MMUT: variants seen among roughly 807,000 people sequenced by gnomAD.
MMUT encodes the protein methylmalonyl-CoA mutase, also known as methylmalonyl-CoA mutase, mitochondrial.
MMUT carries 79 observed loss-of-function variants against 79.9 expected under a neutral mutation model. The observed-to-expected ratio is 0.99, with a 90% CI of 0.82 to 1.19. MMUT has a LOEUF of 1.19. MMUT is among the 50% of genes most tolerant of loss of function. The pLI is 0.00. For missense variants in MMUT, 860 were observed against 917.2 expected, an observed-to-expected ratio of 0.94 and a Z score of 0.81; for synonymous variants, 273 against 295.7, an observed-to-expected ratio of 0.92 and a Z score of 0.79.
At chr6:49,445,789 T>C (rs1767397248) in intron 8 of MMUT, among the ~76,000 whole-genome samples, 1 of 152,020 alleles carries the variant, frequency 6.6e-6, no homozygotes, top group Non-Finnish European at 1.5e-5. Flanking sequence ...TCTATAGATG[T>C]GGAACCCACA....
chr6:49,443,832 G>A (rs895909753), intron 9 of MMUT: 9 of 428,518 alleles, frequency 2.1e-5, no homozygotes, highest in Admixed American at 1.8e-4. Context: ...TATAACATGA[G>A]ATTAGATTCT....
At chr6:49,434,039 T>C (rs1581817137) in intron 12 of MMUT, among the ~76,000 whole-genome samples, 1 of 152,288 alleles carries the variant, frequency 6.6e-6, no homozygotes. Context: ...AGCTCACTTA[T>C]ATAACAGGCA....
chr6:49,451,155 G>A (rs1244531569), intron 6 of MMUT, among the ~76,000 whole-genome samples: 2 of 152,046 alleles, frequency 1.3e-5, no homozygotes, highest in South Asian at 2.1e-4. Context: ...TCTTACTCCA[G>A]GAAGCAGGAA....
chr6:49,454,100 C>G (rs559814552), intron 4 of MMUT, among the ~76,000 whole-genome samples: 109 of 152,052 alleles, frequency 7.2e-4, no homozygotes, highest in Non-Finnish European at 1.4e-3. Flanking sequence ...CAGGAGTCAC[C>G]TATGAATGAA....
intron 8 of MMUT, among the ~76,000 whole-genome samples, chr6:49,445,915 T>G (rs1202749965): frequency 6.6e-6 from 1 of 151,854 alleles, no homozygotes; most frequent in Non-Finnish European, 1.5e-5. Context: ...CACATACAAT[T>G]TAAGAGAAAA....
chr6:49,454,253 G>A (rs1767632116), intron 4 of MMUT, among the ~76,000 whole-genome samples: 1 of 152,112 alleles, frequency 6.6e-6, no homozygotes, highest in South Asian at 2.1e-4. Flanking sequence ...TAAACATTTA[G>A]GTTACTTGCC....
At position 49,431,859 on chromosome 6, in the gene MMUT, G is replaced by T; in HGVS notation, c.2125-3C>A. The T allele has an allele frequency of 6.2e-7, 1 of 1,612,926 alleles. No homozygotes were observed. Among genetic ancestry groups the T allele is most frequent in the African/African-American group, 1.3e-5 (1 of 75,008 alleles). On this transcript the variant is annotated splice_polypyrimidine_tract_variant and splice_region_variant and intron_variant, in intron 12 of 12. Coordinates refer to ENST00000274813, the MANE Select transcript of MMUT (RefSeq NM_000255.4). ...ACTTCAAACAGAAATTCATAATCCT[G>T]TTGAAAGAATGTGTTTAATTAATAA...
chr6:49,436,154 G>A (rs1767119793), intron 11 of MMUT, among the ~76,000 whole-genome samples: 1 of 152,138 alleles, frequency 6.6e-6, no homozygotes, highest in South Asian at 2.1e-4. Context: ...TGGAGAAAAT[G>A]GAACGTTTAT....
At position 49,435,574 on chromosome 6, in the gene MMUT, A is replaced by C. The variant is rs1360470463; in HGVS notation, c.2006T>G (p.Val669Gly). 5.0e-6 allele frequency: 8 copies of C among 1,614,086 alleles called. No individual in the cohort carries two copies. The highest frequency in any genetic ancestry group is 6.8e-6 in the Non-Finnish European group (8 of 1,179,990). The change falls in exon 12 of 13, where the codon GTG becomes GGG. Residue 669 changes from valine to glycine, a missense_variant. Transcript: ENST00000274813. ...QQAVDADVHAVGISTLAAGHK... is the reference protein window; with the variant it reads ...QQAVDADVHAGGISTLAAGHK... ...ACCAGCAGCGAGGGTGCTTATGCCC[A>C]CAGCATGCACATCCGCATCCACAGC...
At chr6:49,435,764 C>T in intron 11 of MMUT, 141 bp from the exon 12 acceptor site, 1 of 847,712 alleles carries the variant, frequency 1.2e-6, no homozygotes, top group Non-Finnish European at 1.8e-6. Context: ...AAAGCAATTA[C>T]AACAAAAGCA....
At chr6:49,436,104 T>C (rs571857806) in intron 11 of MMUT, among the ~76,000 whole-genome samples, 31 of 152,274 alleles carry the variant, frequency 2.0e-4, no homozygotes, top group Admixed American at 4.6e-4. Flanking sequence ...AGAATGGCTA[T>C]TATTAAAAAG....
chr6:49,444,687 C>T lies in MMUT; in HGVS notation c.1628G>A (p.Ser543Asn), dbSNP rs777001813. Residue 543 changes from serine (S) to asparagine (N), a missense_variant, in exon 9 of 13, where the codon AGC becomes AAC. Ser to Asn is a conservative substitution (Grantham distance 46). Transcript: ENST00000274813. Reference sequence around the variant, plus strand: ...AAGAGCCAGGATATTTCCATCTCCGCTAGCAGCACATTCGGTTAGTGCAGC... The same window carrying T: ...AAGAGCCAGGATATTTCCATCTCCGTTAGCAGCACATTCGGTTAGTGCAGC... ...CLAALTECAA[S>N]GDGNILALAV... is the part of the protein sequence containing the mutation. The T allele has an allele frequency of 1.9e-6, 3 of 1,613,476 alleles. No individual in the cohort carries two copies. Among genetic ancestry groups the T allele is most frequent in the South Asian group, 2.2e-5 (2 of 91,078 alleles).
rs764316430 is a variant in MMUT, at chr6:49,444,656, C to T, written c.1659G>A (p.Val553=). 30 of 1,612,952 alleles carry T rather than the reference C, an allele frequency of 1.9e-5. No individual in the cohort carries two copies. The highest frequency in any genetic ancestry group is 2.3e-5 in the Non-Finnish European group (27 of 1,179,258). The change falls in exon 9 of 13, where the codon GTG becomes GTA. Residue 553 remains valine, a synonymous_variant. Coordinates refer to ENST00000274813, the MANE Select transcript of MMUT (RefSeq NM_000255.4). ...ATCTTCACCTTGCCCGAGATGCATC[C>T]ACTGCAAGAGCCAGGATATTTCCAT... The part of the protein sequence containing the change: ...SGDGNILALA[V]DASRARCTVG...
At chr6:49,447,052 A>G (rs1468770741) in intron 8 of MMUT, among the ~76,000 whole-genome samples, 3 of 151,898 alleles carry the variant, frequency 2.0e-5, no homozygotes, top group Non-Finnish European at 4.4e-5. Context: ...TGATTTATCT[A>G]TTTTAGTATT....
chr6:49,453,359 A>C (rs1767604386), intron 5 of MMUT, among the ~76,000 whole-genome samples: 1 of 151,838 alleles, frequency 6.6e-6, no homozygotes, highest in Non-Finnish European at 1.5e-5. Context: ...GCTAGGATGT[A>C]AGTGATTTTA....
Position 49,431,339 on chromosome 6 carries a change from G to T in MMUT, c.*389C>A, listed in dbSNP as rs1252642570. ...TTTATTTTCTGGTGCTCAAGACAAT[G>T]TAATGCTAAACTGACAAATGGGAAT... On this transcript the variant is annotated 3_prime_UTR_variant, in exon 13 of 13. Transcript: ENST00000274813. 1 of 158,430 alleles carries T rather than the reference G, an allele frequency of 6.3e-6. No individual in the cohort carries two copies. The highest frequency in any genetic ancestry group is 1.4e-5 in the Non-Finnish European group (1 of 72,246). 9.8% of individuals were successfully genotyped at this position (158,430 alleles called of 1,614,324 possible). A position where few individuals can be genotyped will look rare whatever the true frequency, so the allele number is the denominator to read the frequency against.
Position 49,431,698 on chromosome 6 carries a change from T to C in MMUT, c.*30A>G, listed in dbSNP as rs14341. The C allele has an allele frequency of 6.2e-7, 1 of 1,602,200 alleles. No homozygotes were observed. Among genetic ancestry groups the C allele is most frequent in the Non-Finnish European group, 8.5e-7 (1 of 1,169,970 alleles). Reference sequence around the variant, plus strand: ...CTTTGATCATAACTAAAATAATATTTTAGACAAAAGCTAAAACAAAAAGAG... The same window carrying C: ...CTTTGATCATAACTAAAATAATATTCTAGACAAAAGCTAAAACAAAAAGAG... On this transcript the variant is annotated 3_prime_UTR_variant, in exon 13 of 13. Transcript: ENST00000274813.
In MMUT at chr6:49,440,187, C is replaced by T. The variant is rs760662136; in HGVS notation, c.1956+19G>A. The T allele has an allele frequency of 3.1e-6, 5 of 1,613,686 alleles. No individual in the cohort carries two copies. In the South Asian group the frequency reaches 5.5e-5, roughly 18 times the overall value. On this transcript the variant is annotated intron_variant, in intron 11 of 12. Transcript: ENST00000274813. Reference sequence around the variant, plus strand: ...GACTAGTAAATACTTTTGAAATTCCCCCCAACAGTTTTTAGTACCTGGAAA... The same window carrying T: ...GACTAGTAAATACTTTTGAAATTCCTCCCAACAGTTTTTAGTACCTGGAAA...
chr6:49,456,316 A>C, intron 3 of MMUT, 79 bp from the exon 4 acceptor site: 2 of 983,130 alleles, frequency 2.0e-6, no homozygotes, highest in Non-Finnish European at 3.2e-6. Context: ...CTAAGCATAA[A>C]CATTATTTTA....
Sources: gnomAD v4.1 joint callset for allele counts (sites outside exome capture counted in the v4.1 genomes callset) on GRCh38, gnomAD v4.1.1 for gene constraint, MANE v1.5 for transcripts, NCBI Gene and HGNC (gene_info 2026-07-23, HGNC 2026-07-21) for gene names.